Variants in FHOD3 observed in about 807,000 individuals in gnomAD.
FHOD3 encodes the protein FH1/FH2 domain-containing protein 3.
In FHOD3, 90 loss-of-function variants were observed where a neutral mutation model predicts 173.0. That is an observed-to-expected ratio of 0.52 (90% CI 0.44 to 0.62). FHOD3 has a LOEUF of 0.62. Ranked by LOEUF, FHOD3 falls within the 20% of genes least tolerant of loss-of-function variation. The probability of loss-of-function intolerance (pLI) is 0.00; values close to 1 mark genes in which losing one functional copy is unlikely to be tolerated. For missense variants in FHOD3, 1,945 were observed against 2,034.7 expected (o/e 0.96, Z 0.85); for synonymous variants, 828 against 823.0 (o/e 1.01, Z -0.10).
chr18:36,312,034 A>G (rs2092269974), intron 1 of FHOD3, among the ~76,000 whole-genome samples: 1 of 151,808 alleles, frequency 6.6e-6, no homozygotes, highest in South Asian at 2.1e-4. Flanking sequence ...TCTAAGCCCC[A>G]CTGTCTTACC....
intron 4 of FHOD3, among the ~76,000 whole-genome samples, chr18:36,509,294 G>A (rs2055488088): frequency 6.6e-6 from 1 of 152,088 alleles, no homozygotes; most frequent in African/African-American, 2.4e-5. Flanking sequence ...GGGCATGGTG[G>A]CGGGCGCCTG....
chr18:36,740,721 C>T lies in FHOD3; in HGVS notation c.3642C>T (p.Asn1214=), dbSNP rs772543666. The T allele has an allele frequency of 2.5e-6, 4 of 1,614,062 alleles. No homozygotes were observed. Among genetic ancestry groups the T allele is most frequent in the Non-Finnish European group, 3.4e-6 (4 of 1,180,010 alleles). ...AAATCCAGGAAGCTCAGCTGGCCAA[C>T]CCTGAAATCCCCCTGGGCAGTGCAG... ...KQKIQEAQLA[N]PEIPLGSAEQ... is the part of the protein sequence containing the mutation. Residue 1214 remains asparagine (N), a synonymous_variant, in exon 21 of 29, where the codon AAC becomes AAT. Transcript: ENST00000590592.
chr18:36,497,108 C>T (rs188847481), intron 3 of FHOD3, among the ~76,000 whole-genome samples: 2 of 152,134 alleles, frequency 1.3e-5, no homozygotes, highest in African/African-American at 2.4e-5. Context: ...TATTTGGGAA[C>T]AGTACTACAT....
intron 1 of FHOD3, among the ~76,000 whole-genome samples, chr18:36,323,600 C>T (rs560319699): frequency 5.3e-5 from 8 of 152,306 alleles, no homozygotes; most frequent in South Asian, 2.1e-4. Flanking sequence ...CTCAGCTCAA[C>T]ACTGTTCTCT....
intron 13 of FHOD3, among the ~76,000 whole-genome samples, chr18:36,655,715 C>A (rs907417735): frequency 6.7e-6 from 1 of 150,056 alleles, no homozygotes; most frequent in Non-Finnish European, 1.5e-5. Flanking sequence ...AAAGACCGAC[C>A]AGTTAGTCAT....
intron 3 of FHOD3, among the ~76,000 whole-genome samples, chr18:36,400,803 C>T (rs1478923161): frequency 4.6e-5 from 7 of 152,222 alleles, no homozygotes; most frequent in African/African-American, 1.7e-4. Flanking sequence ...ATGGCATCCT[C>T]TTTTTCTCTC....
chr18:36,555,888 T>C (rs1458457480), intron 5 of FHOD3, among the ~76,000 whole-genome samples: 4 of 152,290 alleles, frequency 2.6e-5, no homozygotes, highest in African/African-American at 9.6e-5. Context: ...ATTAACATGG[T>C]ATATTCTTTT....
In FHOD3 at chr18:36,636,137, G is replaced by T. The variant is rs139395937; in HGVS notation, c.1196+10388G>T. ...GACCTGTCCAAACCCCACATCTCCT[G>T]TAAGATGCACCTTCTCCTCTGTGTT... On this transcript the variant is annotated intron_variant, in intron 10 of 28. Transcript: ENST00000590592. 5.6e-3 allele frequency among the ~76,000 whole-genome samples: 848 copies of T among 152,266 alleles called. 4 individuals are homozygous for T. Among genetic ancestry groups the T allele is most frequent in the Non-Finnish European group, 7.8e-3 (531 of 68,024 alleles).
intron 19 of FHOD3, among the ~76,000 whole-genome samples, chr18:36,726,736 G>A (rs943607272): frequency 6.6e-5 from 10 of 151,914 alleles, no homozygotes; most frequent in Non-Finnish European, 7.4e-5. Context: ...GTGCAGTGGC[G>A]TAAACTCTGC....
intron 1 of FHOD3, among the ~76,000 whole-genome samples, chr18:36,337,869 C>T (rs2045404919): frequency 6.6e-6 from 1 of 152,108 alleles, no homozygotes; most frequent in East Asian, 1.9e-4. Flanking sequence ...GTGGGGCTTT[C>T]TGTTTGTTCT....
intron 1 of FHOD3, among the ~76,000 whole-genome samples, chr18:36,348,952 G>T (rs1449426538): frequency 1.3e-5 from 2 of 152,176 alleles, no homozygotes; most frequent in African/African-American, 2.4e-5. Flanking sequence ...TGTTTTCCCT[G>T]TCGGCTGTGG....
chr18:36,537,271 C>A (rs1833863082), intron 5 of FHOD3, among the ~76,000 whole-genome samples: 1 of 152,230 alleles, frequency 6.6e-6, no homozygotes, highest in African/African-American at 2.4e-5. Context: ...GCCACATACT[C>A]CAGTTTTCCA....
Position 36,363,285 on chromosome 18 carries a change from G to A in FHOD3, c.272+7640G>A, listed in dbSNP as rs149490350. ...AGGCTTACCATACAATTTGGCAATC[G>A]TGCTTCTGGGTATTTACCCAAATGA... is the stretch of plus-strand genomic sequence containing the variant. On this transcript the variant is annotated intron_variant, in intron 2 of 28. Transcript: ENST00000590592. 8.7e-3 allele frequency among the ~76,000 whole-genome samples: 1,319 copies of A among 152,290 alleles called. 10 individuals carry two copies. The highest frequency in any genetic ancestry group is 0.024 in the Middle Eastern group (7 of 294).
At chr18:36,546,018 A>G (rs887460409) in intron 5 of FHOD3, among the ~76,000 whole-genome samples, 1 of 152,240 alleles carries the variant, frequency 6.6e-6, no homozygotes, top group Non-Finnish European at 1.5e-5. Context: ...TTGGAAAACA[A>G]CCAGTATGAA....
chr18:36,720,398 C>T (rs912380743), intron 19 of FHOD3, among the ~76,000 whole-genome samples: 2 of 151,834 alleles, frequency 1.3e-5, no homozygotes, highest in African/African-American at 2.4e-5. Flanking sequence ...CTGCTACACC[C>T]AGCTAATTTT....
chr18:36,518,791 G>A (rs965173999), intron 5 of FHOD3, among the ~76,000 whole-genome samples: 4 of 152,218 alleles, frequency 2.6e-5, no homozygotes, highest in Admixed American at 6.5e-5. Context: ...CAATCACCAC[G>A]TGGTGTTTGC....
In FHOD3 at chr18:36,570,011, G is replaced by A. The variant is rs573715885; in HGVS notation, c.512-6440G>A. On this transcript the variant is annotated intron_variant, in intron 5 of 28. Transcript: ENST00000590592. ...ACCTTAAGAAACTAGAGTAAGAAAA[G>A]TAAAATAAAACCAAATAAGTAGAAG... 3.0e-3 allele frequency among the ~76,000 whole-genome samples: 456 copies of A among 151,824 alleles called. 3 individuals carry two copies. The highest frequency in any genetic ancestry group is 0.011 in the African/African-American group (440 of 41,426).
At chr18:36,555,335 C>T (rs994815106) in intron 5 of FHOD3, among the ~76,000 whole-genome samples, 2 of 151,340 alleles carry the variant, frequency 1.3e-5, no homozygotes, top group Non-Finnish European at 2.9e-5. Flanking sequence ...TTTTGGGATA[C>T]ACCAGAGTTT....
intron 1 of FHOD3, among the ~76,000 whole-genome samples, chr18:36,313,839 T>A (rs1025401055): frequency 2.0e-5 from 3 of 152,180 alleles, no homozygotes; most frequent in African/African-American, 7.2e-5. Flanking sequence ...AGCAGGGCAG[T>A]CAGGAGGTTT....
Sources: gnomAD v4.1 joint callset for allele counts (sites outside exome capture counted in the v4.1 genomes callset) on GRCh38, gnomAD v4.1.1 for gene constraint, MANE v1.5 for transcripts, NCBI Gene and HGNC (gene_info 2026-07-23, HGNC 2026-07-21) for gene names.